The following GRM5 variants were observed in gnomAD, a reference collection of about 807,000 sequenced individuals.
GRM5 encodes the protein metabotropic glutamate receptor 5.
A neutral mutation model predicts 83.1 loss-of-function variants in GRM5; 19 were observed. The observed-to-expected ratio is 0.23, with a 90% CI of 0.16 to 0.34. GRM5 has a LOEUF of 0.34. Among genes scored for constraint, GRM5 ranks in the 10% least tolerant of loss-of-function variants. The pLI, the probability that GRM5 is intolerant of heterozygous loss-of-function variation, is 1.00. For synonymous variants in GRM5, 675 were observed against 633.6 expected (o/e 1.07, Z -0.98); for missense variants, 1,160 against 1,588.3 (o/e 0.73, Z 4.58).
intron 3 of GRM5, among the ~76,000 whole-genome samples, chr11:88,679,091 A>C (rs1368130870): frequency 1.5e-4 from 23 of 152,188 alleles, no homozygotes; most frequent in Admixed American, 1.5e-3. Flanking sequence ...TTTTAGAAAC[A>C]ACTTTCTATA....
intron 3 of GRM5, among the ~76,000 whole-genome samples, chr11:88,723,571 A>G (rs752591617): frequency 5.3e-5 from 8 of 151,992 alleles, no homozygotes; most frequent in Non-Finnish European, 5.9e-5. Flanking sequence ...GGTTGTTACT[A>G]TGGAAGAGGT....
chr11:88,879,803 C>T (rs186682798), intron 2 of GRM5, among the ~76,000 whole-genome samples: 1 of 152,106 alleles, frequency 6.6e-6, no homozygotes, highest in Admixed American at 6.6e-5. Flanking sequence ...TACTATGAGG[C>T]TCTCAGCAGA....
Position 88,651,308 on chromosome 11 carries a change from A to G in GRM5, c.1147+1860T>C, listed in dbSNP as rs148955647. ...GTGGGAAAAGAAGAAATTAATAAAGAAAGAGGGTGCAGGCCAACTGGAAAA... is the reference window on the plus strand; with the variant it reads ...GTGGGAAAAGAAGAAATTAATAAAGGAAGAGGGTGCAGGCCAACTGGAAAA... On this transcript the variant is annotated intron_variant, in intron 4 of 9. Coordinates refer to ENST00000305447, the MANE Select transcript of GRM5 (RefSeq NM_001143831.3). Among the ~76,000 whole-genome samples, 106 of 152,206 alleles carry G rather than the reference A, an allele frequency of 7.0e-4. No individual in the cohort carries two copies. The Middle Eastern group carries it at 0.014, about 20-fold the overall frequency.
At chr11:88,721,874 G>T (rs1412564145) in intron 3 of GRM5, among the ~76,000 whole-genome samples, 1 of 152,088 alleles carries the variant, frequency 6.6e-6, no homozygotes, top group Non-Finnish European at 1.5e-5. Context: ...CACAGTACTG[G>T]ATGCAAATGT....
intron 2 of GRM5, among the ~76,000 whole-genome samples, chr11:88,979,419 A>G (rs1416986282): frequency 2.0e-5 from 3 of 152,220 alleles, no homozygotes; most frequent in African/African-American, 7.2e-5. Context: ...ATTAATACAT[A>G]TATCAAGTGA....
Position 88,767,882 on chromosome 11 carries a change from T to TATGTA in GRM5, c.911+82023_911+82024insTACAT, listed in dbSNP as rs766480552. 1.4e-4 allele frequency among the ~76,000 whole-genome samples: 21 copies of TATGTA among 151,870 alleles called. 1 individual carries two copies. In the East Asian group the frequency reaches 3.3e-3, roughly 24 times the overall value. On this transcript the variant is annotated intron_variant, in intron 3 of 9. Transcript: ENST00000305447. The stretch of plus-strand genomic sequence containing the variant: ...TCATTAGGGACATTCAAATCAAAAC[T>TATGTA]ATGAGATACCACCTTACACCCAATA...
chr11:88,533,855 C>T (rs1942073576), intron 8 of GRM5, among the ~76,000 whole-genome samples: 1 of 152,090 alleles, frequency 6.6e-6, no homozygotes, highest in African/African-American at 2.4e-5. Context: ...TTTCGTGGGC[C>T]AGGCCTCGGG....
intron 3 of GRM5, among the ~76,000 whole-genome samples, chr11:88,682,242 T>A (rs1792459943): frequency 6.6e-6 from 1 of 152,180 alleles, no homozygotes; most frequent in South Asian, 2.1e-4. Flanking sequence ...ATCTACTCTC[T>A]ATGTATCAGT....
rs552753862 is a variant in GRM5 at position 89,032,735 on chromosome 11, G to A, written c.661+14477C>T. On this transcript the variant is annotated intron_variant, in intron 2 of 9. Coordinates refer to ENST00000305447, the MANE Select transcript of GRM5 (RefSeq NM_001143831.3). ...CTCATTTCCACAGCAAATAGTGATG[G>A]ACCAGCAAATAAGATAACACCTGGT... Among the ~76,000 whole-genome samples the A allele has an allele frequency of 1.8e-3, 271 of 152,066 alleles. 2 individuals are homozygous for A. The highest frequency in any genetic ancestry group is 6.2e-3 in the African/African-American group (259 of 41,498).
At chr11:88,998,405 T>C (rs1036760347) in intron 2 of GRM5, among the ~76,000 whole-genome samples, 16 of 152,128 alleles carry the variant, frequency 1.1e-4, no homozygotes, top group African/African-American at 3.9e-4. Flanking sequence ...CTCTCAGGAA[T>C]ATAGGAATAG....
intron 3 of GRM5, 63 bp downstream of exon 3, chr11:88,849,843 T>C: frequency 6.8e-7 from 1 of 1,474,974 alleles, no homozygotes; most frequent in Non-Finnish European, 9.4e-7. Context: ...CACTAAAAGC[T>C]ACCCTTCAGT....
At chr11:89,007,044 G>A (rs1169571303) in intron 2 of GRM5, among the ~76,000 whole-genome samples, 3 of 152,106 alleles carry the variant, frequency 2.0e-5, no homozygotes, top group Non-Finnish European at 2.9e-5. Flanking sequence ...TGATCTGCCC[G>A]TCTTGGCCTC....
At position 88,522,578 on chromosome 11, in the gene GRM5, TCTCTCTCTCG is replaced by T. The variant is rs1443006312; in HGVS notation, c.2726+2721_2726+2730del. On this transcript the variant is annotated intron_variant, in intron 9 of 9. Transcript: ENST00000305447. ...GCATGGCAGGTCTCTCTTCTCTCTC[TCTCTCTCTCG>T]CTCTCTCTCTCTCTCTGTGTGTGTG... is the stretch of plus-strand genomic sequence containing the variant. 6.2e-5 allele frequency among the ~76,000 whole-genome samples: 9 copies of T among 144,356 alleles called. No individual in the cohort carries two copies. In the South Asian group the frequency reaches 1.9e-3, roughly 30 times the overall value. 94.7% of individuals were successfully genotyped at this position (144,356 alleles called of 152,430 possible).
At chr11:88,852,497 C>T (rs1944404320) in intron 2 of GRM5, among the ~76,000 whole-genome samples, 1 of 151,972 alleles carries the variant, frequency 6.6e-6, no homozygotes, top group South Asian at 2.1e-4. Context: ...CAAAACAAAA[C>T]AGTGGAGAAA....
chr11:88,919,309 A>G (rs1945650221), intron 2 of GRM5, among the ~76,000 whole-genome samples: 2 of 132,218 alleles, frequency 1.5e-5, no homozygotes, highest in Admixed American at 1.6e-4. Flanking sequence ...AAAGAAAGTC[A>G]TTATATATTG....
At chr11:88,579,110 T>C (rs1300383807) in intron 7 of GRM5, among the ~76,000 whole-genome samples, 1 of 152,168 alleles carries the variant, frequency 6.6e-6, no homozygotes, top group African/African-American at 2.4e-5. Context: ...TTTTAAAGTT[T>C]ATTTTTATAA....
intron 3 of GRM5, among the ~76,000 whole-genome samples, chr11:88,810,998 G>C (rs1324740794): frequency 1.3e-5 from 2 of 152,110 alleles, no homozygotes; most frequent in Non-Finnish European, 2.9e-5. Flanking sequence ...CAGAGAAAAA[G>C]TATAAAGATT....
At chr11:88,789,817 A>G (rs1943139160) in intron 3 of GRM5, among the ~76,000 whole-genome samples, 3 of 152,120 alleles carry the variant, frequency 2.0e-5, no homozygotes, top group Admixed American at 1.3e-4. Context: ...CTAAAATTCA[A>G]CAAATATTTA....
chr11:88,603,863 A>G (rs1938069874), intron 5 of GRM5, among the ~76,000 whole-genome samples: 2 of 152,228 alleles, frequency 1.3e-5, no homozygotes, highest in Admixed American at 1.3e-4. Flanking sequence ...AACAGAGTGT[A>G]TAGACAGTTT....
Sources: allele counts gnomAD v4.1 joint callset (sites outside exome capture counted in the v4.1 genomes callset), GRCh38; gene constraint gnomAD v4.1.1; transcripts MANE v1.5; gene names NCBI Gene and HGNC (gene_info 2026-07-23, HGNC 2026-07-21).